The following GSTA2 variants were observed in gnomAD, a reference collection of about 807,000 sequenced individuals.
GSTA2 encodes the protein glutathione S-transferase alpha 2, also known as glutathione S-transferase A2.
A neutral mutation model predicts 22.4 loss-of-function variants in GSTA2; 27 were observed. That is an observed-to-expected ratio of 1.21 (90% CI 0.89 to 1.67). The LOEUF is 1.67. GSTA2 is among the 40% of genes most tolerant of loss of function. The pLI, the probability that GSTA2 is intolerant of heterozygous loss-of-function variation, is 0.00. For synonymous variants in GSTA2, 121 were observed against 86.8 expected (o/e 1.39, Z -2.19); for missense variants, 302 against 260.2 (o/e 1.16, Z -1.11).
intron 1 of GSTA2, among the ~76,000 whole-genome samples, chr6:52,762,591 C>T (rs1762969609): frequency 6.6e-6 from 1 of 152,198 alleles, no homozygotes; most frequent in African/African-American, 2.4e-5. Context: ...CCACATCCCC[C>T]TCTCTGAGAT....
intron 2 of GSTA2, among the ~76,000 whole-genome samples, chr6:52,756,587 A>T (rs1754960005): frequency 6.6e-6 from 1 of 152,188 alleles, no homozygotes. Context: ...GAGGGACATC[A>T]CTGGAGAAAA....
intron 5 of GSTA2, among the ~76,000 whole-genome samples, 161 bp from the exon 6 acceptor site, chr6:52,751,869 A>G (rs961186791): frequency 1.3e-5 from 2 of 152,228 alleles, no homozygotes; most frequent in African/African-American, 4.8e-5. Flanking sequence ...TGAATGAGAT[A>G]GTAAGAAGTG....
At chr6:52,757,769 TTCAGTTAGTAA>T in intron 2 of GSTA2, 81 bp downstream of exon 2, 1 of 1,074,716 alleles carries the variant, frequency 9.3e-7, no homozygotes, top group Admixed American at 1.7e-5. Flanking sequence ...GGCACAATGC[TTCAGTTAGTAA>T]TCATCTCATA....
At chr6:52,753,404 C>T (rs1762781550) in intron 4 of GSTA2, among the ~76,000 whole-genome samples, 1 of 152,150 alleles carries the variant, frequency 6.6e-6, no homozygotes, top group South Asian at 2.1e-4. Context: ...TGGCCAAAGA[C>T]CTGCTTCCTA....
At chr6:52,756,096 A>G (rs1762838530) in intron 3 of GSTA2, among the ~76,000 whole-genome samples, 162 bp downstream of exon 3, 1 of 152,090 alleles carries the variant, frequency 6.6e-6, no homozygotes. Flanking sequence ...GAGTTGCCAG[A>G]CTTGCTCAAG....
chr6:52,751,817 G>A, intron 5 of GSTA2, 109 bp from the exon 6 acceptor site: 1 of 1,488,272 alleles, frequency 6.7e-7, no homozygotes, highest in Non-Finnish European at 9.3e-7. Flanking sequence ...TTGCCTTACT[G>A]CATGGATGCA....
In GSTA2 at chr6:52,750,716, A is replaced by T; in HGVS notation, c.547-17T>A. On this transcript the variant is annotated splice_polypyrimidine_tract_variant and intron_variant, in intron 6 of 6. Transcript: ENST00000493422. ...TTTCAGGGCCTGTAATCCACAAAGC[A>T]CAGCCTCACTAAAACAACAAGTCAA... 1 of 1,611,472 alleles carries T rather than the reference A, an allele frequency of 6.2e-7. No homozygotes were observed. Among genetic ancestry groups the T allele is most frequent in the Non-Finnish European group, 8.5e-7 (1 of 1,179,480 alleles).
At chr6:52,758,068 GCTGAAGAAGAACCTGC>G in intron 1 of GSTA2, 91 bp from the exon 2 acceptor site, 1 of 744,696 alleles carries the variant, frequency 1.3e-6, no homozygotes. Flanking sequence ...CACAAACAAT[GCTGAAGAAGAACCTGC>G]CTTCTTCATG....
chr6:52,756,825 A>T (rs1762853813), intron 2 of GSTA2, among the ~76,000 whole-genome samples: 1 of 152,248 alleles, frequency 6.6e-6, no homozygotes, highest in Admixed American at 6.5e-5. Context: ...CAGCTTTCAC[A>T]CTTGCAACTG....
rs764192760 is a variant in GSTA2 at position 52,750,327 on chromosome 6, T to C, written c.*250A>G. ...CATAATTTATAGTTTCCATTTTTAC[T>C]GAATTTGTAATTCCAAGAAAATTGT... is the stretch of plus-strand genomic sequence containing the variant. On this transcript the variant is annotated 3_prime_UTR_variant, in exon 7 of 7. Transcript: ENST00000493422. 14 of 322,430 alleles carry C rather than the reference T, an allele frequency of 4.3e-5. No individual in the cohort carries two copies. The highest frequency in any genetic ancestry group is 2.7e-4 in the Admixed American group (6 of 22,062). The allele number at this position is 322,430 out of a possible 1,614,324, so 20.0% of individuals were successfully genotyped here.
rs186201711 is a variant in GSTA2 at position 52,750,786 on chromosome 6, C to T, written c.547-87G>A. ...CATGACCCAGGGAATCTGAGTCCCT[C>T]CTGCCAAAGACCAAGTGAGTCGCTT... On this transcript the variant is annotated intron_variant, in intron 6 of 6. Transcript: ENST00000493422. 5.0e-3 allele frequency: 7,743 copies of T among 1,533,554 alleles called. 26 individuals are homozygous for T. Among genetic ancestry groups the T allele is most frequent in the Non-Finnish European group, 6.0e-3 (6,787 of 1,131,022 alleles). 95.0% of individuals were successfully genotyped at this position (1,533,554 alleles called of 1,614,324 possible). A position where few individuals can be genotyped will look rare whatever the true frequency, so the allele number is the denominator to read the frequency against.
intron 1 of GSTA2, among the ~76,000 whole-genome samples, chr6:52,758,179 C>T (rs1416389077): frequency 6.6e-6 from 1 of 152,134 alleles, no homozygotes; most frequent in Non-Finnish European, 1.5e-5. Context: ...GCAAACCAGT[C>T]TCAAGTTTTC....
intron 5 of GSTA2, 96 bp from the exon 6 acceptor site, chr6:52,751,804 C>A: frequency 1.3e-6 from 2 of 1,567,722 alleles, no homozygotes; most frequent in South Asian, 2.3e-5. Flanking sequence ...TTCCCCACCT[C>A]TGTTGCCTTA....
chr6:52,759,563 GTTTTTTTTTTTTTTTTTTTTTTTT>G (rs70977382), intron 1 of GSTA2, among the ~76,000 whole-genome samples: 500 of 34,208 alleles, frequency 0.015, 15 homozygotes, highest in Middle Eastern at 0.043. Flanking sequence ...GTATTTATTT[GTTTTTTTTTTTTTTTTTTTTTTTT>G]TTTTTTTTTT....
In GSTA2 at chr6:52,759,819, G is replaced by C. The variant is rs1214461664; in HGVS notation, c.-30-1842C>G. 3.3e-5 allele frequency among the ~76,000 whole-genome samples: 5 copies of C among 151,810 alleles called. No homozygotes were observed. In the South Asian group the frequency reaches 1.0e-3, roughly 32 times the overall value. On this transcript the variant is annotated intron_variant, in intron 1 of 6. Coordinates refer to ENST00000493422, the MANE Select transcript of GSTA2 (RefSeq NM_000846.5). ...GTCTGGTCTCGAAAGTCTGACCCCA[G>C]GTGATCCACTCACTTCAGCCTCCCA...
intron 2 of GSTA2, among the ~76,000 whole-genome samples, chr6:52,756,864 A>C (rs73740539): frequency 0.018 from 2,718 of 152,354 alleles, 88 homozygotes; most frequent in African/African-American, 0.061. Context: ...TACGTGAGAC[A>C]CAATAGGGTA....
At chr6:52,753,267 G>T (rs776050508) in intron 4 of GSTA2, among the ~76,000 whole-genome samples, 1 of 152,194 alleles carries the variant, frequency 6.6e-6, no homozygotes, top group African/African-American at 2.4e-5. Flanking sequence ...AATACAGGAA[G>T]AAGATCATCG....
intron 1 of GSTA2, among the ~76,000 whole-genome samples, chr6:52,759,134 G>C (rs931686760): frequency 1.3e-5 from 2 of 152,204 alleles, no homozygotes; most frequent in African/African-American, 4.8e-5. Flanking sequence ...CAGTGAGCAT[G>C]ACATGTTGAA....
intron 6 of GSTA2, 96 bp downstream of exon 6, chr6:52,751,481 G>T (rs755362552): frequency 2.6e-5 from 41 of 1,599,556 alleles, no homozygotes; most frequent in Non-Finnish European, 3.5e-5. Flanking sequence ...CCTGGAGAAG[G>T]CTGGGGTCAA....
Sources: allele counts gnomAD v4.1 joint callset (sites outside exome capture counted in the v4.1 genomes callset), GRCh38; gene constraint gnomAD v4.1.1; transcripts MANE v1.5; gene names NCBI Gene and HGNC (gene_info 2026-07-23, HGNC 2026-07-21).